The following PACRG variants were observed in gnomAD, a reference collection of about 807,000 sequenced individuals.
The protein encoded by PACRG is parkin coregulated, also known as parkin coregulated gene protein.
PACRG carries 29 observed loss-of-function variants against 29.7 expected under a neutral mutation model. The ratio of observed to expected loss-of-function variants is 0.98; its 90% CI spans 0.73 to 1.33. PACRG has a LOEUF of 1.33. Ranked by LOEUF, PACRG falls within the 40% of genes most tolerant of loss-of-function variation. The pLI, the probability that PACRG is intolerant of heterozygous loss-of-function variation, is 0.00. For missense variants in PACRG, 279 were observed against 316.2 expected (o/e 0.88, Z 0.89); for synonymous variants, 116 against 118.7 (o/e 0.98, Z 0.15).
chr6:163,298,256 A>G (rs1784858168), intron 4 of PACRG, among the ~76,000 whole-genome samples: 1 of 142,732 alleles, frequency 7.0e-6, no homozygotes, highest in Admixed American at 6.9e-5. Context: ...CTCACAAAGG[A>G]AAAAAAAAAA....
chr6:162,743,074 T>C (rs1036222455), intron 1 of PACRG, among the ~76,000 whole-genome samples: 1 of 152,146 alleles, frequency 6.6e-6, no homozygotes, highest in African/African-American at 2.4e-5. Flanking sequence ...TTCTAACAAG[T>C]GTGAATATCT....
intron 4 of PACRG, among the ~76,000 whole-genome samples, chr6:163,273,122 T>C (rs1205301079): frequency 6.8e-6 from 1 of 146,552 alleles, no homozygotes; most frequent in African/African-American, 2.8e-5. Flanking sequence ...CTCGATCTCC[T>C]GACCTCGTGA....
intron 2 of PACRG, among the ~76,000 whole-genome samples, chr6:162,817,462 G>T (rs573603247): frequency 3.9e-4 from 60 of 152,156 alleles, no homozygotes; most frequent in Non-Finnish European, 7.6e-4. Context: ...AACGTGGCAG[G>T]CTGCGTGTCA....
rs1554313415 is a variant in PACRG at position 162,947,625 on chromosome 6, T to TA, written c.292-114524dup. Among the ~76,000 whole-genome samples the TA allele has an allele frequency of 2.6e-4, 14 of 53,386 alleles. 1 individual carries two copies. Among genetic ancestry groups the TA allele is most frequent in the African/African-American group, 9.3e-4 (13 of 14,054 alleles). 35.0% of individuals were successfully genotyped at this position (53,386 alleles called of 152,430 possible). A position where few individuals can be genotyped will look rare whatever the true frequency, so the allele number is the denominator to read the frequency against. ...ATATATATAATCATATATATATATA[T>TA]ATATATATATATATATATATATACA... On this transcript the variant is annotated intron_variant, in intron 2 of 4. Transcript: ENST00000366888.
intron 1 of PACRG, among the ~76,000 whole-genome samples, chr6:162,796,511 C>G (rs1308777515): frequency 6.6e-6 from 1 of 151,776 alleles, no homozygotes; most frequent in Non-Finnish European, 1.5e-5. Flanking sequence ...ACCTATAGCC[C>G]TTATTTTTTA....
chr6:163,270,006 A>AGAAAGAAG lies in PACRG; in HGVS notation c.614-44820_614-44819insAAAGAAGG, dbSNP rs1174263456. 9.3e-4 allele frequency among the ~76,000 whole-genome samples: 78 copies of AGAAAGAAG among 84,278 alleles called. 9 individuals carry two copies. Among genetic ancestry groups the AGAAAGAAG allele is most frequent in the South Asian group, 1.4e-3 (3 of 2,152 alleles). The allele number at this position is 84,278 out of a possible 152,430, so 55.3% of individuals were successfully genotyped here. On this transcript the variant is annotated intron_variant, in intron 4 of 4. Coordinates refer to ENST00000366888, the MANE Select transcript of PACRG (RefSeq NM_001080379.2). The stretch of plus-strand genomic sequence containing the variant: ...AAGAAAGAAAGAAAGAAAGAAAGAA[A>AGAAAGAAG]GGAGGGAGGGAGGGAGGGAGGAAGG...
intron 2 of PACRG, among the ~76,000 whole-genome samples, chr6:162,947,659 T>G (rs1799345917): frequency 1.0e-5 from 1 of 100,400 alleles, no homozygotes; most frequent in Non-Finnish European, 1.9e-5. Context: ...CACCCAAAGA[T>G]TCCACCAAAA....
chr6:163,290,272 GCGCGCGCACACACACACACA>G (rs1784547752), intron 4 of PACRG, among the ~76,000 whole-genome samples: 1 of 100,600 alleles, frequency 9.9e-6, no homozygotes, highest in African/African-American at 4.3e-5. Flanking sequence ...ATGCACGCGC[GCGCGCGCACACACACACACA>G]CACACACACA....
intron 4 of PACRG, among the ~76,000 whole-genome samples, chr6:163,283,662 G>C (rs553410477): frequency 0.011 from 1,668 of 151,690 alleles, 31 homozygotes; most frequent in African/African-American, 0.039. Context: ...TTAGCCGGGC[G>C]CGGTGGCGGG....
rs948785268 is a variant in PACRG at position 163,163,994 on chromosome 6, G to T, written c.613+74586G>T. On this transcript the variant is annotated intron_variant, in intron 4 of 4. Transcript: ENST00000366888. ...AAGAACAGCCTTTCTCAGATAAGCAGAAATTGATTAAAATAGACATGATTT... is the reference window on the plus strand; with the variant it reads ...AAGAACAGCCTTTCTCAGATAAGCATAAATTGATTAAAATAGACATGATTT... Among the ~76,000 whole-genome samples the T allele has an allele frequency of 2.6e-5, 4 of 152,034 alleles. 1 individual carries two copies. Among genetic ancestry groups the T allele is most frequent in the Non-Finnish European group, 5.9e-5 (4 of 68,000 alleles).
chr6:162,819,727 C>A (rs1361786138), intron 2 of PACRG, among the ~76,000 whole-genome samples: 2 of 152,178 alleles, frequency 1.3e-5, no homozygotes, highest in South Asian at 2.1e-4. Flanking sequence ...AGTTTTATTT[C>A]TCTTGCTTCG....
At chr6:163,248,874 G>A (rs1479107135) in intron 4 of PACRG, among the ~76,000 whole-genome samples, 1 of 152,034 alleles carries the variant, frequency 6.6e-6, no homozygotes, top group Admixed American at 6.6e-5. Flanking sequence ...ACAATTAGCT[G>A]GGCATGGTGG....
At chr6:162,800,735 A>G (rs1785783892) in intron 1 of PACRG, among the ~76,000 whole-genome samples, 1 of 152,172 alleles carries the variant, frequency 6.6e-6, no homozygotes, top group Non-Finnish European at 1.5e-5. Flanking sequence ...CTTAGCTCCA[A>G]AAGTGTGTGA....
At chr6:163,088,173 G>A (rs1395734130) in intron 3 of PACRG, among the ~76,000 whole-genome samples, 1 of 152,176 alleles carries the variant, frequency 6.6e-6, no homozygotes, top group Non-Finnish European at 1.5e-5. Context: ...CTGCCTCAGA[G>A]ATGTATTGAC....
chr6:163,215,253 G>T (rs573390630), intron 4 of PACRG, among the ~76,000 whole-genome samples: 2 of 152,266 alleles, frequency 1.3e-5, no homozygotes, highest in Admixed American at 1.3e-4. Flanking sequence ...TTATTTAAAA[G>T]AATTTTGGAG....
At chr6:162,747,990 G>T (rs141210032) in intron 1 of PACRG, among the ~76,000 whole-genome samples, 1 of 152,110 alleles carries the variant, frequency 6.6e-6, no homozygotes, top group Non-Finnish European at 1.5e-5. Context: ...CTGCTGTGCT[G>T]ATGTTAGCAC....
intron 2 of PACRG, among the ~76,000 whole-genome samples, chr6:162,970,131 A>G (rs1158379512): frequency 1.3e-5 from 2 of 152,192 alleles, no homozygotes; most frequent in Non-Finnish European, 2.9e-5. Flanking sequence ...TGTGAGTTGC[A>G]TTGTTGGTGA....
At chr6:162,970,543 C>T (rs1290931121) in intron 2 of PACRG, among the ~76,000 whole-genome samples, 1 of 152,114 alleles carries the variant, frequency 6.6e-6, no homozygotes, top group Non-Finnish European at 1.5e-5. Context: ...CTCTCTTCCC[C>T]CACCCACTTT....
intron 4 of PACRG, among the ~76,000 whole-genome samples, chr6:163,178,839 T>C (rs1325075094): frequency 6.6e-6 from 1 of 152,156 alleles, no homozygotes. Flanking sequence ...TAGGCACTGA[T>C]GGTCATGGAA....
Sources: allele counts gnomAD v4.1 joint callset (sites outside exome capture counted in the v4.1 genomes callset), GRCh38; gene constraint gnomAD v4.1.1; transcripts MANE v1.5; gene names NCBI Gene and HGNC (gene_info 2026-07-23, HGNC 2026-07-21).